The following CELF2 variants were observed in gnomAD, a reference collection of about 807,000 sequenced individuals.
CELF2 encodes CUG triplet repeat RNA-binding protein 2.
Under a neutral mutation model 62.6 loss-of-function variants are expected in CELF2, and 8 were observed. The ratio of observed to expected loss-of-function variants is 0.13; its 90% confidence interval spans 0.07 to 0.23. The LOEUF (loss-of-function observed/expected upper bound fraction) is 0.23, where lower values mean the gene tolerates loss of function less well. CELF2 is among the 10% of genes least tolerant of loss of function. CELF2 has a pLI of 1.00. For synonymous variants in CELF2, 258 were observed against 250.0 expected, an observed-to-expected ratio of 1.03 and a Z score of -0.30; for missense variants, 333 against 671.0, an observed-to-expected ratio of 0.50 and a Z score of 5.56.
intron 3 of CELF2, among the ~76,000 whole-genome samples, chr10:11,232,609 T>C (rs4750031): frequency 0.75 from 114,112 of 152,054 alleles, 44,335 homozygotes; most frequent in Non-Finnish European, 0.87. Context: ...CTTGGGGTGA[T>C]CTTTGTAGCT....
At chr10:11,320,896 A>G in intron 10 of CELF2, 8 of 1,547,188 alleles carry the variant, frequency 5.2e-6, no homozygotes, top group East Asian at 2.4e-5. Context: ...AAAGATAACA[A>G]CGGTACTTGC....
At chr10:10,615,989 A>G in the CELF2 span, among the ~76,000 whole-genome samples, 2 of 152,154 alleles carry the variant, frequency 1.3e-5, no homozygotes, top group Admixed American at 1.3e-4. Context: ...TCTTGCAAGC[A>G]TGTGTTAGGA....
At chr10:11,183,717 T>G (rs1411382175) in intron 2 of CELF2, among the ~76,000 whole-genome samples, 1 of 152,264 alleles carries the variant, frequency 6.6e-6, no homozygotes, top group East Asian at 1.9e-4. Context: ...TCTTTTGATA[T>G]GTTTGATTCG....
At chr10:10,528,123 T>C in the CELF2 span, among the ~76,000 whole-genome samples, 1 of 151,972 alleles carries the variant, frequency 6.6e-6, no homozygotes, top group African/African-American at 2.4e-5. Flanking sequence ...AATTTACAGA[T>C]GCCTGAATTT....
chr10:11,045,731 G>GTA (rs1476297144), intron 1 of CELF2, among the ~76,000 whole-genome samples: 1 of 152,130 alleles, frequency 6.6e-6, no homozygotes, highest in East Asian at 1.9e-4. Flanking sequence ...CCCCAGAGCT[G>GTA]TACATCATTC....
At chr10:11,205,651 CTA>C (rs2060255680) in intron 2 of CELF2, among the ~76,000 whole-genome samples, 1 of 152,192 alleles carries the variant, frequency 6.6e-6, no homozygotes, top group African/African-American at 2.4e-5. Flanking sequence ...CATGAGAAGA[CTA>C]TCCAGCATCA....
the CELF2 span, among the ~76,000 whole-genome samples, chr10:10,655,107 C>T: frequency 2.3e-4 from 34 of 150,530 alleles, no homozygotes; most frequent in Non-Finnish European, 3.1e-4. Flanking sequence ...CATGAGTGAA[C>T]TCCCATTCAC....
the CELF2 span, among the ~76,000 whole-genome samples, chr10:10,473,678 C>A: frequency 1.3e-5 from 2 of 151,904 alleles, no homozygotes; most frequent in East Asian, 3.9e-4. Context: ...ATGGTTATGC[C>A]TATGGTTAAC....
intron 2 of CELF2, among the ~76,000 whole-genome samples, chr10:10,996,618 T>A (rs2053977341): frequency 6.6e-6 from 1 of 152,260 alleles, no homozygotes; most frequent in African/African-American, 2.4e-5. Flanking sequence ...AGGTAACTCA[T>A]AACTTTGTAT....
At chr10:11,091,431 C>T (rs916018128) in intron 1 of CELF2, among the ~76,000 whole-genome samples, 2 of 152,198 alleles carry the variant, frequency 1.3e-5, no homozygotes, top group African/African-American at 4.8e-5. Flanking sequence ...ACCTCCATGC[C>T]TAGGACCTGA....
At chr10:10,774,977 C>T in the CELF2 span, among the ~76,000 whole-genome samples, 1 of 151,870 alleles carries the variant, frequency 6.6e-6, no homozygotes, top group Non-Finnish European at 1.5e-5. Flanking sequence ...CTCCCAGGTT[C>T]AAGCAATTCT....
intron 2 of CELF2, among the ~76,000 whole-genome samples, chr10:10,932,191 C>G (rs984613339): frequency 2.6e-5 from 4 of 152,010 alleles, no homozygotes; most frequent in Non-Finnish European, 4.4e-5. Context: ...CCCTTAAGAA[C>G]CAAAAGATTC....
At chr10:11,087,552 G>A (rs1052660793) in intron 1 of CELF2, among the ~76,000 whole-genome samples, 15 of 152,212 alleles carry the variant, frequency 9.9e-5, no homozygotes, top group African/African-American at 3.6e-4. Context: ...GCAGCGAGCT[G>A]CAGCTGTCTA....
chr10:11,069,702 C>T (rs983532569), intron 1 of CELF2, among the ~76,000 whole-genome samples: 8 of 152,174 alleles, frequency 5.3e-5, no homozygotes, highest in African/African-American at 1.9e-4. Flanking sequence ...TGAAAAGAAT[C>T]ATTGGCTTGT....
chr10:10,635,599 A>G, the CELF2 span, among the ~76,000 whole-genome samples: 1 of 152,196 alleles, frequency 6.6e-6, no homozygotes. Context: ...ATATGTGTAG[A>G]AAGGGAATGA....
chr10:11,005,349 T>G lies in CELF2; in HGVS notation c.-39T>G. On this transcript the variant is annotated 5_prime_UTR_variant, in exon 1 of 13. Transcript: ENST00000416382. This position sits in a 1 kb window ranked among gnomAD's most constrained non-coding sequence, Gnocchi z 4.3. ...CTGTGGCATTGATGTTTGAGCATAC[T>G]TCTGAACTGGCTTTTGTTGAGACTA... The G allele has an allele frequency of 6.2e-7, 1 of 1,612,590 alleles. No individual in the cohort carries two copies. Among genetic ancestry groups the G allele is most frequent in the Non-Finnish European group, 8.5e-7 (1 of 1,179,324 alleles).
At chr10:10,574,408 C>T in the CELF2 span, among the ~76,000 whole-genome samples, 1 of 152,040 alleles carries the variant, frequency 6.6e-6, no homozygotes, top group Non-Finnish European at 1.5e-5. Flanking sequence ...GCCTACTCCA[C>T]AGGTTAAGGA....
the CELF2 span, among the ~76,000 whole-genome samples, chr10:10,600,723 G>A: frequency 3.9e-5 from 6 of 152,160 alleles, no homozygotes; most frequent in Admixed American, 6.5e-5. Context: ...TTAAAGACAC[G>A]GATCCTCCTT....
intron 2 of CELF2, among the ~76,000 whole-genome samples, chr10:11,200,472 C>A (rs1288071919): frequency 1.3e-5 from 2 of 152,226 alleles, no homozygotes; most frequent in African/African-American, 2.4e-5. Context: ...TTATACTCTG[C>A]AGAATGTGGG....
Sources: gnomAD v4.1 joint callset for allele counts (sites outside exome capture counted in the v4.1 genomes callset) on GRCh38, gnomAD v4.1.1 for gene constraint, Gnocchi (gnomAD v3.1) non-coding constraint, MANE v1.5 for transcripts, NCBI Gene and HGNC (gene_info 2026-07-23, HGNC 2026-07-21) for gene names.